The following XPO7 variants were observed in gnomAD, a reference collection of about 807,000 sequenced individuals.
XPO7 encodes exportin-7.
In XPO7, 21 loss-of-function variants were observed where a neutral mutation model predicts 144.3. The observed-to-expected ratio is 0.15, with a 90% CI of 0.10 to 0.21. XPO7 has a LOEUF of 0.21. Ranked by LOEUF, XPO7 falls within the 10% of genes least tolerant of loss-of-function variation. XPO7 has a pLI of 1.00. For missense variants in XPO7, 808 were observed against 1,325.8 expected (o/e 0.61, Z 6.06); for synonymous variants, 580 against 499.6 (o/e 1.16, Z -2.15).
intron 11 of XPO7, 92 bp from the exon 12 acceptor site, chr8:21,984,554 G>T: frequency 1.7e-6 from 2 of 1,207,618 alleles, no homozygotes; most frequent in Non-Finnish European, 2.3e-6. Flanking sequence ...GTCAGAAATG[G>T]TGGCTAAGTG....
intron 22 of XPO7, 75 bp from the exon 23 acceptor site, chr8:21,999,016 C>CT: frequency 6.4e-7 from 1 of 1,569,724 alleles, no homozygotes; most frequent in South Asian, 1.1e-5. Flanking sequence ...ATTTGTATGC[C>CT]TTTGGAGTAG....
At chr8:21,945,477 A>C (rs1811162302) in intron 1 of XPO7, among the ~76,000 whole-genome samples, 2 of 152,242 alleles carry the variant, frequency 1.3e-5, no homozygotes, top group Admixed American at 1.3e-4. Context: ...AGGTATGGAA[A>C]AACTACATAG....
intron 18 of XPO7, 78 bp downstream of exon 18, chr8:21,990,997 T>C: frequency 2.3e-6 from 3 of 1,323,290 alleles, no homozygotes; most frequent in Middle Eastern, 1.9e-4. Flanking sequence ...GAAAACTAGA[T>C]GTTGGGGAGG....
At chr8:21,925,368 T>A (rs1333867161) in intron 1 of XPO7, among the ~76,000 whole-genome samples, 1 of 152,236 alleles carries the variant, frequency 6.6e-6, no homozygotes, top group Non-Finnish European at 1.5e-5. Flanking sequence ...AAGGCAGAAT[T>A]GGAAACTTCA....
intron 5 of XPO7, 108 bp from the exon 6 acceptor site, chr8:21,974,562 T>C: frequency 1.4e-6 from 1 of 695,306 alleles, no homozygotes; most frequent in East Asian, 2.8e-5. Flanking sequence ...ATGTATTTTA[T>C]GTTTATGTTG....
chr8:21,998,787 C>G lies in XPO7; in HGVS notation c.2378C>G (p.Pro793Arg), dbSNP rs1375306496. The G allele has an allele frequency of 1.9e-6, 3 of 1,613,950 alleles. No homozygotes were observed. The highest frequency in any genetic ancestry group is 1.1e-5 in the South Asian group (1 of 91,078). ...CGACTCCAGTTTGATGTCTCTTCCC[C>G]CAATGGCATCTTACTCTTCCGAGAA... ...SQRLQFDVSS[P>R]NGILLFRETS... Residue 793 changes from proline (P) to arginine (R), a missense_variant, in exon 22 of 28, where the codon CCC becomes CGC. Transcript: ENST00000252512.
chr8:21,992,753 G>T (rs966207235), intron 19 of XPO7, among the ~76,000 whole-genome samples: 2 of 152,108 alleles, frequency 1.3e-5, no homozygotes, highest in African/African-American at 4.8e-5. Flanking sequence ...TTGTTTTCTA[G>T]CTCTTAGAAT....
At chr8:21,977,669 G>A in intron 7 of XPO7, 101 bp from the exon 8 acceptor site, 1 of 1,052,926 alleles carries the variant, frequency 9.5e-7, no homozygotes, top group Non-Finnish European at 1.4e-6. Flanking sequence ...TGTAAGATAA[G>A]TAGGCAGAAG....
At chr8:21,958,818 G>A (rs1348620775) in intron 1 of XPO7, among the ~76,000 whole-genome samples, 4 of 151,916 alleles carry the variant, frequency 2.6e-5, no homozygotes, top group African/African-American at 9.7e-5. Flanking sequence ...AAAACCAGCC[G>A]AACATGGTGG....
intron 1 of XPO7, among the ~76,000 whole-genome samples, chr8:21,940,031 A>T (rs1356937158): frequency 6.6e-6 from 1 of 152,228 alleles, no homozygotes; most frequent in Non-Finnish European, 1.5e-5. Context: ...ACCTTTTCAA[A>T]TGTGAAGTTG....
At chr8:21,979,376 A>C (rs1812328811) in intron 8 of XPO7, among the ~76,000 whole-genome samples, 1 of 142,182 alleles carries the variant, frequency 7.0e-6, no homozygotes, top group Non-Finnish European at 1.5e-5. Flanking sequence ...CAGATGTGAT[A>C]TGCTTATTTC....
At chr8:22,004,134 C>T in intron 27 of XPO7, 104 bp downstream of exon 27, 1 of 1,464,172 alleles carries the variant, frequency 6.8e-7, no homozygotes, top group South Asian at 1.3e-5. Context: ...GTTTGGAGGC[C>T]ATCTAAAGCA....
Position 21,982,640 on chromosome 8 carries a change from C to A in XPO7, c.1105C>A (p.His369Asn). 1.3e-6 allele frequency: 2 copies of A among 1,581,700 alleles called. No individual in the cohort carries two copies. Among genetic ancestry groups the A allele is most frequent in the Non-Finnish European group, 8.6e-7 (1 of 1,166,280 alleles). ...CTTCTGCTTTTCTACTTTTCTTTAG[C>A]ACTGGGAATTTGCTCCAAATAGTGT... ...IANFTVTSLQ[H>N]WEFAPNSVHY... is the part of the protein sequence containing the mutation. Residue 369 changes from histidine to asparagine, a missense_variant and splice_region_variant, in exon 11 of 28, where the codon CAC becomes AAC. Around this residue, in one of 5 missense-constraint regions of XPO7, gnomAD observed 26 missense variants for 85.8 expected, o/e 0.30. Transcript: ENST00000252512.
intron 24 of XPO7, among the ~76,000 whole-genome samples, chr8:21,999,952 C>A (rs541248881): frequency 6.6e-6 from 1 of 152,222 alleles, no homozygotes; most frequent in South Asian, 2.1e-4. Flanking sequence ...AGAACAGACA[C>A]ATGAACAAAC....
chr8:22,005,274 G>A lies in XPO7; in HGVS notation c.*186G>A, dbSNP rs1354209691. ...TGTGAGTACACTCACTAGGGGGCAG[G>A]GCGCTGCTGGTTCCTGGGGGACTGG... is the stretch of plus-strand genomic sequence containing the variant. On this transcript the variant is annotated 3_prime_UTR_variant, in exon 28 of 28. Transcript: ENST00000252512. The A allele has an allele frequency of 1.7e-5, 7 of 405,028 alleles. 1 individual carries two copies. The South Asian group carries it at 2.8e-4, about 16-fold the overall frequency. The allele number at this position is 405,028 out of a possible 1,614,324, so 25.1% of individuals were successfully genotyped here.
At chr8:21,979,149 G>A (rs138308960) in intron 8 of XPO7, among the ~76,000 whole-genome samples, 1 of 152,266 alleles carries the variant, frequency 6.6e-6, no homozygotes, top group Non-Finnish European at 1.5e-5. Context: ...GGGTTCAAGC[G>A]ATTCTCCTGC....
intron 1 of XPO7, among the ~76,000 whole-genome samples, chr8:21,927,774 A>G (rs1810508144): frequency 6.6e-6 from 1 of 151,876 alleles, no homozygotes. Context: ...TGAGCTCCCG[A>G]CCTCAGGTGA....
rs1312265645 is a variant in XPO7 at position 21,997,806 on chromosome 8, GTTTAT to G, written c.2346-944_2346-940del. Among the ~76,000 whole-genome samples the G allele has an allele frequency of 2.6e-5, 4 of 152,176 alleles. No homozygotes were observed. The East Asian group carries it at 7.7e-4, about 29-fold the overall frequency. The stretch of plus-strand genomic sequence containing the variant: ...AATGTAAGGGAAAGGTGGATTTGGG[GTTTAT>G]TTTAGAGTTAGATGTTGATGGATTC... On this transcript the variant is annotated intron_variant, in intron 21 of 27. Coordinates refer to ENST00000252512, the MANE Select transcript of XPO7 (RefSeq NM_015024.5).
In XPO7 at chr8:21,982,828, C is replaced by G; in HGVS notation, c.1277+16C>G. On this transcript the variant is annotated intron_variant, in intron 11 of 27. Transcript: ENST00000252512. The stretch of plus-strand genomic sequence containing the variant: ...TCATACTGAGGTAAGGAAACTTAGC[C>G]TCATTCATTCCCGCACCAGTGGCCT... 2 of 1,583,802 alleles carry G rather than the reference C, an allele frequency of 1.3e-6. No homozygotes were observed. The highest frequency in any genetic ancestry group is 1.7e-6 in the Non-Finnish European group (2 of 1,167,962).
Sources: allele counts gnomAD v4.1 joint callset (sites outside exome capture counted in the v4.1 genomes callset), GRCh38; gene constraint gnomAD v4.1.1; regional missense constraint gnomAD v4.1.1; transcripts MANE v1.5; gene names NCBI Gene and HGNC (gene_info 2026-07-23, HGNC 2026-07-21).